Variants in FSTL4 observed in about 807,000 individuals in gnomAD.
The protein encoded by FSTL4 is follistatin-related protein 4.
Under a neutral mutation model 78.2 loss-of-function variants are expected in FSTL4, and 28 were observed. That is an observed-to-expected ratio of 0.36 (90% CI 0.27 to 0.49). The LOEUF (loss-of-function observed/expected upper bound fraction) is 0.49. FSTL4 is among the 20% of genes least tolerant of loss of function. FSTL4 has a pLI of 0.98. For missense variants in FSTL4, 922 were observed against 1,084.9 expected, an observed-to-expected ratio of 0.85 and a Z score of 2.11; for synonymous variants, 422 against 440.5, an observed-to-expected ratio of 0.96 and a Z score of 0.53.
chr5:133,602,196 C>T (rs1760884641), intron 2 of FSTL4, among the ~76,000 whole-genome samples: 1 of 152,264 alleles, frequency 6.6e-6, no homozygotes, highest in South Asian at 2.1e-4. Context: ...GTCATCACCT[C>T]CCTTTCCTGA....
At chr5:133,421,995 AG>A (rs1034004249) in intron 3 of FSTL4, among the ~76,000 whole-genome samples, 2 of 152,182 alleles carry the variant, frequency 1.3e-5, no homozygotes, top group African/African-American at 2.4e-5. Context: ...GTGGTCAGGG[AG>A]GGCTTCTTGG....
Position 133,564,137 on chromosome 5 carries a change from G to A in FSTL4, c.160+3049C>T, listed in dbSNP as rs191804981. ...CATCATCACACGATGTTCTCCTTGT[G>A]TGTCTGTGTCCAATTCTCCCTTTTC... On this transcript the variant is annotated intron_variant, in intron 3 of 15. Transcript: ENST00000265342. 2.0e-5 allele frequency among the ~76,000 whole-genome samples: 3 copies of A among 152,246 alleles called. No homozygotes were observed. In the East Asian group the frequency reaches 5.8e-4, roughly 29 times the overall value.
intron 3 of FSTL4, among the ~76,000 whole-genome samples, chr5:133,475,125 G>A (rs1757903121): frequency 6.6e-6 from 1 of 152,234 alleles, no homozygotes; most frequent in African/African-American, 2.4e-5. Flanking sequence ...GGAAGCAGGG[G>A]AGCTGGACGT....
intron 7 of FSTL4, among the ~76,000 whole-genome samples, chr5:133,245,690 A>G (rs1256021175): frequency 6.6e-6 from 1 of 152,174 alleles, no homozygotes; most frequent in African/African-American, 2.4e-5. Context: ...GAGTCAACCC[A>G]AATGATGACT....
intron 3 of FSTL4, among the ~76,000 whole-genome samples, chr5:133,458,677 C>T (rs1188714997): frequency 6.6e-6 from 1 of 152,216 alleles, no homozygotes; most frequent in African/African-American, 2.4e-5. Flanking sequence ...TGGGAATGCC[C>T]CCAGATGATG....
intron 3 of FSTL4, among the ~76,000 whole-genome samples, chr5:133,432,630 T>G (rs1236246660): frequency 1.3e-5 from 2 of 152,244 alleles, no homozygotes; most frequent in African/African-American, 4.8e-5. Context: ...GCTATCTGCA[T>G]GTGCTGTTCT....
chr5:133,560,365 T>C (rs532426387), intron 3 of FSTL4, among the ~76,000 whole-genome samples: 1 of 152,300 alleles, frequency 6.6e-6, no homozygotes, highest in South Asian at 2.1e-4. Flanking sequence ...AAGCCCCTGA[T>C]CTTGGGAGAG....
chr5:133,336,261 G>C (rs1360290627), intron 4 of FSTL4, among the ~76,000 whole-genome samples: 1 of 152,212 alleles, frequency 6.6e-6, no homozygotes, highest in Non-Finnish European at 1.5e-5. Context: ...AATGAGCACA[G>C]CCAGCCCTGA....
At chr5:133,601,610 A>C (rs1308610786) in intron 2 of FSTL4, among the ~76,000 whole-genome samples, 2 of 152,110 alleles carry the variant, frequency 1.3e-5, no homozygotes, top group African/African-American at 2.4e-5. Flanking sequence ...CAAGGGCTGC[A>C]AACAAACCGA....
At chr5:133,382,603 G>C (rs902451168) in intron 4 of FSTL4, among the ~76,000 whole-genome samples, 1 of 152,150 alleles carries the variant, frequency 6.6e-6, no homozygotes, top group African/African-American at 2.4e-5. Flanking sequence ...TGGCTCATGT[G>C]GGGTTGACAG....
the FSTL4 span, among the ~76,000 whole-genome samples, chr5:133,624,735 T>G: frequency 1.3e-5 from 2 of 151,896 alleles, no homozygotes; most frequent in African/African-American, 4.8e-5. Context: ...AATCAGTGAT[T>G]CCTTACAATT....
chr5:133,211,899 C>G (rs1750739109), intron 13 of FSTL4, among the ~76,000 whole-genome samples: 1 of 152,088 alleles, frequency 6.6e-6, no homozygotes, highest in Non-Finnish European at 1.5e-5. Context: ...TTTTTCCCAC[C>G]CTGCTGAAAT....
intron 8 of FSTL4, among the ~76,000 whole-genome samples, chr5:133,226,351 CCCT>C (rs1316877990): frequency 6.6e-6 from 1 of 152,142 alleles, no homozygotes; most frequent in African/African-American, 2.4e-5. Flanking sequence ...GCCAGGTGTG[CCCT>C]CCTCAGCTTG....
chr5:133,316,476 T>C lies in FSTL4; in HGVS notation c.586A>G (p.Ser196Gly). 6.2e-7 allele frequency: 1 copy of C among 1,613,920 alleles called. No individual in the cohort carries two copies. The highest frequency in any genetic ancestry group is 1.7e-4 in the Middle Eastern group (1 of 6,060). The change falls in exon 5 of 16, where the codon AGC (serine) becomes GGC (glycine). Residue 196 changes from serine to glycine, a missense_variant. Physicochemically the swap from Ser to Gly is moderately conservative, Grantham distance 56 (BLOSUM62 0). Coordinates refer to ENST00000265342, the MANE Select transcript of FSTL4 (RefSeq NM_015082.2). ...LDADGNGHLS[S>G]SELAQHVLKK... ...ATGCCCACCTGAGCCAGTTCGGAGC[T>C]GCTGAGGTGGCCATTGCCATCTGCA...
intron 2 of FSTL4, among the ~76,000 whole-genome samples, chr5:133,579,160 G>A (rs1020848268): frequency 6.6e-6 from 1 of 152,156 alleles, no homozygotes; most frequent in Non-Finnish European, 1.5e-5. Flanking sequence ...ACTACAAGAG[G>A]GGTGTCCATC....
chr5:133,567,308 T>C, intron 2 of FSTL4, 89 bp from the exon 3 acceptor site: 1 of 972,808 alleles, frequency 1.0e-6, no homozygotes, highest in South Asian at 1.3e-5. Context: ...TAGTCACACA[T>C]TTATGAAAAG....
the FSTL4 span, among the ~76,000 whole-genome samples, chr5:133,763,209 G>A: frequency 2.0e-5 from 3 of 152,308 alleles, no homozygotes; most frequent in East Asian, 1.9e-4. Flanking sequence ...GCCCTTGTAG[G>A]TGTGTCTAGA....
chr5:133,335,562 G>T, intron 4 of FSTL4, among the ~76,000 whole-genome samples: 1 of 151,940 alleles, frequency 6.6e-6, no homozygotes, highest in South Asian at 2.1e-4. Context: ...GCCTTGCATG[G>T]TTGGCCTCCT....
intron 6 of FSTL4, among the ~76,000 whole-genome samples, chr5:133,309,336 T>C (rs931679145): frequency 2.6e-5 from 4 of 152,162 alleles, no homozygotes; most frequent in African/African-American, 9.7e-5. Context: ...GCCAAAACAA[T>C]GCAAAGAGAA....
Sources: allele counts gnomAD v4.1 joint callset (sites outside exome capture counted in the v4.1 genomes callset), GRCh38; gene constraint gnomAD v4.1.1; transcripts MANE v1.5; gene names NCBI Gene and HGNC (gene_info 2026-07-23, HGNC 2026-07-21).